RPA1: variants seen among roughly 807,000 people sequenced by gnomAD.
RPA1 encodes replication protein A1, also known as replication protein A 70 kDa DNA-binding subunit.
Under a neutral mutation model 83.0 loss-of-function variants are expected in RPA1, and 49 were observed. That is an observed-to-expected ratio of 0.59 (90% CI 0.47 to 0.75). The LOEUF (loss-of-function observed/expected upper bound fraction) is 0.75. Ranked by LOEUF, RPA1 falls within the 30% of genes least tolerant of loss-of-function variation. The pLI, the probability that RPA1 is intolerant of heterozygous loss-of-function variation, is 0.00. For synonymous variants in RPA1, 279 were observed against 281.8 expected (o/e 0.99, Z 0.10); for missense variants, 693 against 776.1 (o/e 0.89, Z 1.27).
chr17:1,863,702 C>T (rs1162784038), intron 5 of RPA1, among the ~76,000 whole-genome samples: 1 of 152,170 alleles, frequency 6.6e-6, no homozygotes, highest in Non-Finnish European at 1.5e-5. Context: ...TTCTATGAAA[C>T]ATATCTTGCT....
At position 1,879,603 on chromosome 17, in the gene RPA1, C is replaced by T; in HGVS notation, c.996C>T (p.Ile332=). ...AGAGCTATGAAGACGCCACTAAAAT[C>T]ACAGTGAGGTCTAACAACAGAGAAG... ...ICKSYEDATK[I]TVRSNNREVA... The change falls in exon 11 of 17, where the codon ATC becomes ATT. Residue 332 remains isoleucine, a synonymous_variant. Transcript: ENST00000254719. 6.2e-7 allele frequency: 1 copy of T among 1,614,232 alleles called. No homozygotes were observed. Among genetic ancestry groups the T allele is most frequent in the Non-Finnish European group, 8.5e-7 (1 of 1,180,046 alleles).
chr17:1,880,070 G>A (rs1913726208), intron 11 of RPA1, among the ~76,000 whole-genome samples: 1 of 145,464 alleles, frequency 6.9e-6, no homozygotes, highest in African/African-American at 2.6e-5. Flanking sequence ...AGGAGCTCCT[G>A]GGGTTGGGGG....
intron 8 of RPA1, 81 bp downstream of exon 8, chr17:1,877,395 C>T: frequency 8.0e-7 from 1 of 1,245,860 alleles, no homozygotes; most frequent in South Asian, 1.3e-5. Context: ...GGGCAGTGGG[C>T]TCGCTGGGAA....
chr17:1,882,369 C>A (rs1913828168), intron 12 of RPA1, among the ~76,000 whole-genome samples: 1 of 152,054 alleles, frequency 6.6e-6, no homozygotes, highest in Non-Finnish European at 1.5e-5. Flanking sequence ...TTTATAAAAT[C>A]TTTTGGGCCA....
At chr17:1,841,062 C>CA (rs1317993145) in intron 1 of RPA1, among the ~76,000 whole-genome samples, 4 of 151,566 alleles carry the variant, frequency 2.6e-5, no homozygotes, top group Non-Finnish European at 4.4e-5. Context: ...AACTCCGTCT[C>CA]AAAAAAAATA....
At chr17:1,885,948 G>A (rs1447823079) in intron 13 of RPA1, among the ~76,000 whole-genome samples, 4 of 152,112 alleles carry the variant, frequency 2.6e-5, no homozygotes, top group Admixed American at 6.6e-5. Flanking sequence ...TCCTTGTTCT[G>A]TGCATCTCCA....
chr17:1,881,655 C>T (rs1320213364), intron 12 of RPA1, among the ~76,000 whole-genome samples: 1 of 152,150 alleles, frequency 6.6e-6, no homozygotes, highest in South Asian at 2.1e-4. Context: ...ATTGCATTCC[C>T]ACATTAAAAT....
intron 4 of RPA1, among the ~76,000 whole-genome samples, chr17:1,849,303 TTTTTTTTG>T (rs1912385798): frequency 6.8e-6 from 1 of 146,356 alleles, no homozygotes; most frequent in African/African-American, 2.6e-5. Context: ...TTTTTTTTTT[TTTTTTTTG>T]AGACGGAGTC....
chr17:1,881,677 A>G (rs1450374537), intron 12 of RPA1, among the ~76,000 whole-genome samples: 1 of 152,160 alleles, frequency 6.6e-6, no homozygotes, highest in Non-Finnish European at 1.5e-5. Context: ...GCATTCCCAC[A>G]TTAAAATTGC....
intron 5 of RPA1, among the ~76,000 whole-genome samples, chr17:1,861,719 GCTCT>G (rs373998576): frequency 4.0e-5 from 6 of 151,596 alleles, no homozygotes; most frequent in African/African-American, 1.5e-4. Flanking sequence ...AGAATGTGGT[GCTCT>G]CTCTTTTTTT....
At chr17:1,858,439 G>A (rs532804403) in intron 5 of RPA1, 40 of 1,439,694 alleles carry the variant, frequency 2.8e-5, no homozygotes, top group African/African-American at 7.0e-5. Context: ...CAGCAACAGC[G>A]CAGCCATCTT....
intron 4 of RPA1, among the ~76,000 whole-genome samples, chr17:1,850,536 C>CAA (rs34637294): frequency 4.7e-4 from 64 of 137,530 alleles, no homozygotes; most frequent in East Asian, 1.7e-3. Flanking sequence ...GACTCCGTCT[C>CAA]AAAAAAAAAA....
intron 4 of RPA1, among the ~76,000 whole-genome samples, chr17:1,850,795 G>A (rs995391659): frequency 3.3e-5 from 5 of 151,670 alleles, no homozygotes; most frequent in Non-Finnish European, 4.4e-5. Context: ...AAGAGGCCGA[G>A]GCAGGAAAAT....
At chr17:1,872,679 A>G (rs9910570) in intron 6 of RPA1, among the ~76,000 whole-genome samples, 153 bp downstream of exon 6, 3,952 of 144,530 alleles carry the variant, frequency 0.027, 178 homozygotes, top group African/African-American at 0.094. Context: ...ATTTTAGAGT[A>G]TGTGATTGAA....
intron 5 of RPA1, chr17:1,858,533 G>A (rs1039402810): frequency 1.1e-4 from 80 of 754,750 alleles, no homozygotes; most frequent in Middle Eastern, 3.8e-4. Context: ...GCACAATCTC[G>A]GCTCACTGCA....
At chr17:1,875,919 ACT>A (rs1169523191) in intron 7 of RPA1, 126 bp downstream of exon 7, 21 of 859,482 alleles carry the variant, frequency 2.4e-5, no homozygotes, top group Non-Finnish European at 3.2e-5. Context: ...GAATGGGTTT[ACT>A]CTTTTTTTTT....
At chr17:1,837,954 GTT>G (rs1446682752) in intron 1 of RPA1, among the ~76,000 whole-genome samples, 1 of 151,798 alleles carries the variant, frequency 6.6e-6, no homozygotes, top group Non-Finnish European at 1.5e-5. Context: ...TTTTTTGTTT[GTT>G]TTTGTTTTGT....
intron 16 of RPA1, 141 bp downstream of exon 16, chr17:1,895,236 T>C: frequency 1.9e-6 from 1 of 513,638 alleles, no homozygotes; most frequent in South Asian, 3.2e-5. Flanking sequence ...ACAGGTGCTG[T>C]TATGATCCCC....
chr17:1,875,920 CTCT>C, intron 7 of RPA1, 127 bp downstream of exon 7: 4 of 660,034 alleles, frequency 6.1e-6, no homozygotes, highest in South Asian at 4.4e-5. Flanking sequence ...AATGGGTTTA[CTCT>C]TTTTTTTTTT....
Sources: allele counts gnomAD v4.1 joint callset (sites outside exome capture counted in the v4.1 genomes callset), GRCh38; gene constraint gnomAD v4.1.1; transcripts MANE v1.5; gene names NCBI Gene and HGNC (gene_info 2026-07-23, HGNC 2026-07-21).